PRKG1: variants seen among roughly 807,000 people sequenced by gnomAD.
PRKG1 encodes the protein protein kinase cGMP-dependent 1, also known as cGMP-dependent protein kinase 1.
In PRKG1, 35 loss-of-function variants were observed where a neutral mutation model predicts 88.1. That is an observed-to-expected ratio of 0.40 (90% confidence interval 0.30 to 0.53). PRKG1 has a LOEUF of 0.53. PRKG1 is among the 20% of genes least tolerant of loss of function. The probability of loss-of-function intolerance (pLI) is 0.59; values close to 1 mark genes in which losing one functional copy is unlikely to be tolerated. For missense variants in PRKG1, 540 were observed against 839.8 expected (o/e 0.64, Z 4.41); for synonymous variants, 303 against 292.5 (o/e 1.04, Z -0.37).
At chr10:52,279,637 C>T (rs150698967) in intron 12 of PRKG1, among the ~76,000 whole-genome samples, 125 of 151,978 alleles carry the variant, frequency 8.2e-4, no homozygotes, top group African/African-American at 2.8e-3. Context: ...GTTTGTTAAA[C>T]TTTACTCCAC....
chr10:51,787,262 G>A (rs1396605274), intron 3 of PRKG1, among the ~76,000 whole-genome samples: 1 of 152,038 alleles, frequency 6.6e-6, no homozygotes, highest in Non-Finnish European at 1.5e-5. Context: ...TGTTCAAATG[G>A]CTTCAAGCTT....
chr10:52,166,839 G>GTATATATATGTATATA (rs1589666380), intron 9 of PRKG1, among the ~76,000 whole-genome samples: 1 of 90,484 alleles, frequency 1.1e-5, no homozygotes, highest in Non-Finnish European at 2.0e-5. Flanking sequence ...GTATATATAT[G>GTATATATATGTATATA]TATATATATG....
At chr10:51,627,995 TCTCTCTCTCTCTC>T (rs1839400466) in intron 3 of PRKG1, among the ~76,000 whole-genome samples, 6 of 44,200 alleles carry the variant, frequency 1.4e-4, no homozygotes, top group Non-Finnish European at 2.2e-4. Flanking sequence ...TTTCTTTCTC[TCTCTCTCTCTCTC>T]TCTTTCTTTC....
At chr10:51,081,079 C>A (rs974663893) in intron 1 of PRKG1, among the ~76,000 whole-genome samples, 3 of 152,224 alleles carry the variant, frequency 2.0e-5, no homozygotes, top group Non-Finnish European at 4.4e-5. Context: ...GCATACTACT[C>A]TCCAGCTTTT....
chr10:51,868,043 T>C (rs1841059778), intron 4 of PRKG1, among the ~76,000 whole-genome samples: 1 of 152,176 alleles, frequency 6.6e-6, no homozygotes, highest in Admixed American at 6.5e-5. Context: ...AATGACTCAC[T>C]GGTGCTTAGG....
At chr10:51,149,232 C>T (rs917901354) in intron 1 of PRKG1, among the ~76,000 whole-genome samples, 4 of 152,008 alleles carry the variant, frequency 2.6e-5, no homozygotes, top group African/African-American at 9.6e-5. Flanking sequence ...CTGAACTAGC[C>T]TTCCCTACAC....
chr10:51,354,568 T>C (rs1842324843), intron 2 of PRKG1, among the ~76,000 whole-genome samples: 1 of 152,072 alleles, frequency 6.6e-6, no homozygotes, highest in African/African-American at 2.4e-5. Flanking sequence ...AATAATACAA[T>C]ACAACAAATG....
chr10:50,991,228 T>C lies in PRKG1; in HGVS notation c.-151T>C. 2.6e-6 allele frequency: 3 copies of C among 1,147,074 alleles called. No individual in the cohort carries two copies. The highest frequency in any genetic ancestry group is 3.6e-6 in the Non-Finnish European group (3 of 844,228). 71.1% of individuals were successfully genotyped at this position (1,147,074 alleles called of 1,614,324 possible). A position where few individuals can be genotyped will look rare whatever the true frequency, so the allele number is the denominator to read the frequency against. ...GAAGCAGGAGGCTCCCCGCGCCGCA[T>C]TAGGGGCGCACTCCGCCGCGCTCGA... On this transcript the variant is annotated 5_prime_UTR_variant, in exon 1 of 18. Transcript: ENST00000401604. This position sits in a 1 kb window ranked among gnomAD's most constrained non-coding sequence, Gnocchi z 4.5.
chr10:51,242,146 C>A (rs1839171602), intron 2 of PRKG1, among the ~76,000 whole-genome samples: 1 of 152,050 alleles, frequency 6.6e-6, no homozygotes. Context: ...GAGAAATTCT[C>A]TAATGAGCAC....
chr10:51,601,010 A>G (rs1838584129), intron 3 of PRKG1, among the ~76,000 whole-genome samples: 2 of 150,334 alleles, frequency 1.3e-5, no homozygotes, highest in Admixed American at 1.3e-4. Context: ...GGAGGGGGAA[A>G]AGAAGAAGGG....
chr10:51,652,233 C>G (rs1056705680), intron 3 of PRKG1, among the ~76,000 whole-genome samples: 3 of 151,324 alleles, frequency 2.0e-5, no homozygotes, highest in African/African-American at 7.3e-5. Context: ...GAAAGGATTC[C>G]GATATAATAG....
At chr10:51,961,552 A>G (rs556449820) in intron 5 of PRKG1, among the ~76,000 whole-genome samples, 1 of 152,334 alleles carries the variant, frequency 6.6e-6, no homozygotes, top group South Asian at 2.1e-4. Flanking sequence ...ACACACCCAG[A>G]AAGGTACACA....
At chr10:52,199,669 C>CA (rs981413462) in intron 9 of PRKG1, among the ~76,000 whole-genome samples, 3 of 152,126 alleles carry the variant, frequency 2.0e-5, no homozygotes, top group Admixed American at 2.0e-4. Flanking sequence ...TTTCCCAACC[C>CA]AAAGCCCCCT....
chr10:51,464,467 T>G (rs1368591311), intron 2 of PRKG1, among the ~76,000 whole-genome samples: 5 of 152,296 alleles, frequency 3.3e-5, no homozygotes, highest in African/African-American at 1.2e-4. Flanking sequence ...CTATTCCAAT[T>G]AATGTGAAAT....
intron 2 of PRKG1, among the ~76,000 whole-genome samples, chr10:51,405,957 G>A (rs949933309): frequency 1.3e-5 from 2 of 152,048 alleles, no homozygotes; most frequent in African/African-American, 4.8e-5. Flanking sequence ...ATGAAGACAG[G>A]GTAGCAAGCA....
chr10:52,062,237 T>C (rs1370076951), intron 6 of PRKG1, among the ~76,000 whole-genome samples: 2 of 152,004 alleles, frequency 1.3e-5, no homozygotes, highest in East Asian at 3.9e-4. Flanking sequence ...TTCATTATAG[T>C]GGTTGCTTCA....
chr10:51,478,019 T>A (rs973527196), intron 3 of PRKG1, among the ~76,000 whole-genome samples: 3 of 152,054 alleles, frequency 2.0e-5, no homozygotes, highest in African/African-American at 7.2e-5. Context: ...TTTGGAGGTA[T>A]GACTTTGGTC....
intron 7 of PRKG1, among the ~76,000 whole-genome samples, chr10:52,108,825 C>CTTTT (rs61504053): frequency 7.3e-5 from 9 of 122,718 alleles, no homozygotes; most frequent in African/African-American, 1.6e-4. Flanking sequence ...ACAAGTATTC[C>CTTTT]TTTTTTTTTT....
intron 2 of PRKG1, among the ~76,000 whole-genome samples, chr10:51,431,142 C>G (rs1412363839): frequency 6.6e-6 from 1 of 152,156 alleles, no homozygotes; most frequent in East Asian, 1.9e-4. Context: ...TGCTCCCTGT[C>G]AGATGCAACT....
Sources: gnomAD v4.1 joint callset for allele counts (sites outside exome capture counted in the v4.1 genomes callset) on GRCh38, gnomAD v4.1.1 for gene constraint, Gnocchi (gnomAD v3.1) non-coding constraint, MANE v1.5 for transcripts, NCBI Gene and HGNC (gene_info 2026-07-23, HGNC 2026-07-21) for gene names.